The following DHX57 variants were observed in gnomAD, a reference collection of about 807,000 sequenced individuals.
DHX57 encodes DExH-box helicase 57.
In DHX57, 105 loss-of-function variants were observed where a neutral mutation model predicts 156.2. That is an observed-to-expected ratio of 0.67 (90% confidence interval 0.57 to 0.79). DHX57 has a LOEUF of 0.79. Among genes scored for constraint, DHX57 ranks in the 30% least tolerant of loss-of-function variants. The pLI is 0.00. For synonymous variants in DHX57, 704 were observed against 595.6 expected, an observed-to-expected ratio of 1.18 and a Z score of -2.65; for missense variants, 1,847 against 1,661.9, an observed-to-expected ratio of 1.11 and a Z score of -1.94.
At chr2:38,807,803 C>A (rs1357919004) in intron 21 of DHX57, among the ~76,000 whole-genome samples, 1 of 151,338 alleles carries the variant, frequency 6.6e-6, no homozygotes, top group African/African-American at 2.4e-5. Context: ...ATGAGCACCA[C>A]GCCTGGCTAA....
intron 2 of DHX57, among the ~76,000 whole-genome samples, chr2:38,867,802 C>T (rs906698295): frequency 2.0e-5 from 3 of 152,220 alleles, no homozygotes; most frequent in Non-Finnish European, 2.9e-5. Flanking sequence ...AAGCGATCCA[C>T]ACACCTGGGC....
At chr2:38,819,965 T>C (rs1485752900) in intron 17 of DHX57, among the ~76,000 whole-genome samples, 1 of 152,210 alleles carries the variant, frequency 6.6e-6, no homozygotes, top group African/African-American at 2.4e-5. Flanking sequence ...ACTTTACACA[T>C]ACCGATTCAT....
intron 22 of DHX57, among the ~76,000 whole-genome samples, chr2:38,805,174 G>A (rs1669881243): frequency 6.6e-6 from 1 of 152,204 alleles, no homozygotes; most frequent in South Asian, 2.1e-4. Flanking sequence ...AAAGGAGGGG[G>A]TGTGGAGCTA....
At chr2:38,799,484 G>T (rs1199708610) in intron 23 of DHX57, among the ~76,000 whole-genome samples, 1 of 151,258 alleles carries the variant, frequency 6.6e-6, no homozygotes, top group African/African-American at 2.4e-5. Flanking sequence ...GGGCCGGGTG[G>T]CTCACGCTTG....
chr2:38,818,724 T>G (rs962861502), intron 19 of DHX57, 153 bp downstream of exon 19: 3 of 761,244 alleles, frequency 3.9e-6, no homozygotes, highest in Non-Finnish European at 6.3e-6. Flanking sequence ...GATGCCACAG[T>G]GCGGGAGTCC....
At chr2:38,851,934 A>T (rs958764274) in intron 9 of DHX57, among the ~76,000 whole-genome samples, 1 of 151,760 alleles carries the variant, frequency 6.6e-6, no homozygotes, top group African/African-American at 2.4e-5. Flanking sequence ...TTTACCATTA[A>T]TTTTTTTTCC....
chr2:38,845,844 G>C (rs1362402156), intron 11 of DHX57, among the ~76,000 whole-genome samples: 1 of 151,268 alleles, frequency 6.6e-6, no homozygotes, highest in Non-Finnish European at 1.5e-5. Context: ...GTACAATGAT[G>C]ATGATGATAA....
At chr2:38,811,106 T>C (rs1218734509) in intron 21 of DHX57, 2 of 557,722 alleles carry the variant, frequency 3.6e-6, no homozygotes, top group Admixed American at 2.3e-5. Context: ...TCCAGCCTCG[T>C]GGCTGATGTG....
At chr2:38,824,909 A>G (rs1671015414) in intron 16 of DHX57, among the ~76,000 whole-genome samples, 1 of 152,200 alleles carries the variant, frequency 6.6e-6, no homozygotes, top group Admixed American at 6.5e-5. Context: ...CCAGCCTCCC[A>G]AAGTGCTGGG....
At chr2:38,856,217 G>A (rs935510300) in intron 7 of DHX57, 123 bp downstream of exon 7, 1 of 1,376,368 alleles carries the variant, frequency 7.3e-7, no homozygotes, top group Non-Finnish European at 9.6e-7. Flanking sequence ...TATGTCTCAA[G>A]GCAGATGTAT....
At position 38,798,175 on chromosome 2, in the gene DHX57, C is replaced by T. The variant is rs746611295; in HGVS notation, c.*124G>A. 19 of 1,354,920 alleles carry T rather than the reference C, an allele frequency of 1.4e-5. No individual in the cohort carries two copies. The highest frequency in any genetic ancestry group is 1.8e-5 in the Non-Finnish European group (18 of 996,588). 83.9% of individuals were successfully genotyped at this position (1,354,920 alleles called of 1,614,324 possible). A position where few individuals can be genotyped will look rare whatever the true frequency, so the allele number is the denominator to read the frequency against. ...ACACTGCCTCAGCTGCCTTGGGCTTCATGCCCTGGGCTCCTCCACCAGGGC... is the reference window on the plus strand; with the variant it reads ...ACACTGCCTCAGCTGCCTTGGGCTTTATGCCCTGGGCTCCTCCACCAGGGC... On this transcript the variant is annotated 3_prime_UTR_variant, in exon 24 of 24. Coordinates refer to ENST00000457308, the MANE Select transcript of DHX57 (RefSeq NM_198963.3).
At chr2:38,846,303 G>C (rs1425218306) in intron 11 of DHX57, among the ~76,000 whole-genome samples, 1 of 152,060 alleles carries the variant, frequency 6.6e-6, no homozygotes, top group Non-Finnish European at 1.5e-5. Flanking sequence ...AGTACAGAGA[G>C]ATTAAGCTAC....
chr2:38,826,553 C>A lies in DHX57; in HGVS notation c.2776G>T (p.Val926Phe), dbSNP rs541175907. The A allele has an allele frequency of 7.5e-5, 121 of 1,613,990 alleles. No individual in the cohort carries two copies. The highest frequency in any genetic ancestry group is 7.5e-5 in the Non-Finnish European group (89 of 1,180,014). ...ATTTTCCCAGAATCGATAACATAGA[C>A]AACATCATCGATGGTTATGGATGTC... ...AETSITIDDVVYVIDSGKMKE... is the reference protein window; with the variant it reads ...AETSITIDDVFYVIDSGKMKE... The change falls in exon 15 of 24, where the codon GTC becomes TTC. Residue 926 changes from valine to phenylalanine, a missense_variant. Coordinates refer to ENST00000457308, the MANE Select transcript of DHX57 (RefSeq NM_198963.3).
chr2:38,818,406 C>T (rs549346662), intron 19 of DHX57, among the ~76,000 whole-genome samples: 101 of 152,118 alleles, frequency 6.6e-4, no homozygotes, highest in African/African-American at 2.4e-3. Context: ...ATGTGCCTGT[C>T]GTCCCAGCTA....
rs541245579 is a variant in DHX57, at chr2:38,837,130, T to C, written c.2542+701A>G. Among the ~76,000 whole-genome samples the C allele has an allele frequency of 1.8e-4, 27 of 152,314 alleles. No individual in the cohort carries two copies. In the South Asian group the frequency reaches 5.6e-3, roughly 32 times the overall value. On this transcript the variant is annotated intron_variant, in intron 13 of 23. Coordinates refer to ENST00000457308, the MANE Select transcript of DHX57 (RefSeq NM_198963.3). ...TCTCAAAGTGCTGGGATTACAAGTG[T>C]GAGCCATTGCACCTGGCATGTATTA...
At chr2:38,842,678 C>A (rs368399823) in intron 12 of DHX57, among the ~76,000 whole-genome samples, 1 of 152,110 alleles carries the variant, frequency 6.6e-6, no homozygotes, top group African/African-American at 2.4e-5. Context: ...TTTAGCCTTG[C>A]GAACTTTTCC....
chr2:38,862,719 C>G (rs1251315519), intron 3 of DHX57: 1 of 158,918 alleles, frequency 6.3e-6, no homozygotes, highest in Non-Finnish European at 1.4e-5. Context: ...GTGTTCTTAA[C>G]CACAGAAACC....
intron 13 of DHX57, among the ~76,000 whole-genome samples, chr2:38,837,368 T>C (rs922991892): frequency 6.6e-5 from 10 of 151,900 alleles, no homozygotes; most frequent in South Asian, 2.1e-4. Flanking sequence ...CCCAGCACTT[T>C]GGGAGGCCGA....
chr2:38,819,205 T>C lies in DHX57; in HGVS notation c.3292-61A>G, dbSNP rs1670694659. On this transcript the variant is annotated intron_variant, in intron 17 of 23. Transcript: ENST00000457308. Reference sequence around the variant, plus strand: ...TTTTTTTTTTTCAAAGACAGGGTCTTGTTCTGTTGCCCAGGCTGGAGTGCA... The same window carrying C: ...TTTTTTTTTTTCAAAGACAGGGTCTCGTTCTGTTGCCCAGGCTGGAGTGCA... The C allele has an allele frequency of 5.2e-6, 8 of 1,526,414 alleles. No individual in the cohort carries two copies. In the African/African-American group the frequency reaches 9.7e-5, roughly 18 times the overall value. The allele number at this position is 1,526,414 out of a possible 1,614,324, so 94.6% of individuals were successfully genotyped here.
Sources: gnomAD v4.1 joint callset for allele counts (sites outside exome capture counted in the v4.1 genomes callset) on GRCh38, gnomAD v4.1.1 for gene constraint, MANE v1.5 for transcripts, NCBI Gene and HGNC (gene_info 2026-07-23, HGNC 2026-07-21) for gene names.